The following METTL25 variants were observed in gnomAD, a reference collection of about 807,000 sequenced individuals.
METTL25 encodes probable methyltransferase-like protein 25.
In METTL25, 64 loss-of-function variants were observed where a neutral mutation model predicts 71.6. The ratio of observed to expected loss-of-function variants is 0.89; its 90% CI spans 0.73 to 1.10. The LOEUF is 1.10. METTL25 is among the 50% of genes least tolerant of loss of function. The pLI is 0.00. For missense variants in METTL25, 807 were observed against 707.0 expected (o/e 1.14, Z -1.60); for synonymous variants, 287 against 250.3 (o/e 1.15, Z -1.38).
chr12:82,446,099 T>TA, intron 8 of METTL25, among the ~76,000 whole-genome samples: 1 of 152,224 alleles, frequency 6.6e-6, no homozygotes, highest in South Asian at 2.1e-4. Context: ...TATATAATGA[T>TA]AGGCAGGTAA....
chr12:82,421,581 T>C (rs10746250), intron 5 of METTL25, among the ~76,000 whole-genome samples: 140,494 of 152,104 alleles, frequency 0.92, 65,213 homozygotes, highest in East Asian at 1. Context: ...CAAAGCAGAA[T>C]TGAAGGAGAT....
chr12:82,441,786 CAAAAA>C (rs201386289), intron 8 of METTL25, among the ~76,000 whole-genome samples: 1 of 62,650 alleles, frequency 1.6e-5, no homozygotes, highest in Non-Finnish European at 3.3e-5. Context: ...CATACTATAG[CAAAAA>C]AAAAAAAAAA....
At chr12:82,435,589 G>C (rs1889858319) in intron 7 of METTL25, among the ~76,000 whole-genome samples, 1 of 151,232 alleles carries the variant, frequency 6.6e-6, no homozygotes, top group African/African-American at 2.4e-5. Context: ...CAAACTACTG[G>C]TTTGCATCAT....
At chr12:82,376,403 G>A (rs1305079660) in intron 1 of METTL25, among the ~76,000 whole-genome samples, 1 of 152,152 alleles carries the variant, frequency 6.6e-6, no homozygotes, top group African/African-American at 2.4e-5. Flanking sequence ...AAGTCAAGCT[G>A]TTCTTCATTT....
chr12:82,362,617 T>C (rs1396917869), intron 1 of METTL25, among the ~76,000 whole-genome samples: 5 of 152,196 alleles, frequency 3.3e-5, no homozygotes, highest in Non-Finnish European at 5.9e-5. Flanking sequence ...CTGTACTCAG[T>C]ATTTGGCTTT....
At chr12:82,376,484 C>T (rs1285422618) in intron 1 of METTL25, among the ~76,000 whole-genome samples, 1 of 152,168 alleles carries the variant, frequency 6.6e-6, no homozygotes, top group Non-Finnish European at 1.5e-5. Context: ...AAGTAATCTT[C>T]TATGACAATT....
intron 5 of METTL25, among the ~76,000 whole-genome samples, chr12:82,421,450 G>T (rs1888482451): frequency 6.6e-6 from 1 of 152,156 alleles, no homozygotes; most frequent in South Asian, 2.1e-4. Flanking sequence ...GAAACTTCAT[G>T]AGATCTAGAT....
intron 2 of METTL25, among the ~76,000 whole-genome samples, chr12:82,389,181 T>G (rs1455704251): frequency 6.6e-6 from 1 of 152,136 alleles, no homozygotes. Flanking sequence ...AGTACTGTAG[T>G]TCTGCAATGA....
chr12:82,386,990 A>T (rs1300914647), intron 2 of METTL25, 23 bp downstream of exon 2: 2 of 1,587,842 alleles, frequency 1.3e-6, no homozygotes, highest in East Asian at 4.5e-5. Flanking sequence ...ATGTGTGTGT[A>T]TGTGTGCTTT....
At chr12:82,420,924 C>T (rs756623265) in intron 5 of METTL25, among the ~76,000 whole-genome samples, 6 of 151,826 alleles carry the variant, frequency 4.0e-5, no homozygotes, top group African/African-American at 4.8e-5. Context: ...GGTACAATCT[C>T]GGCTCACTGC....
rs997061343 is a variant in METTL25 at position 82,429,274 on chromosome 12, C to T, written c.1280-1619C>T. Among the ~76,000 whole-genome samples the T allele has an allele frequency of 4.0e-5, 6 of 151,640 alleles. 1 individual carries two copies. Among genetic ancestry groups the T allele is most frequent in the South Asian group, 4.1e-4 (2 of 4,830 alleles). Reference sequence around the variant, plus strand: ...TCTCCATGAGATAATATTTTTAGCTCTCACATATGAGTGAGAATGTGCAAT... The same window carrying T: ...TCTCCATGAGATAATATTTTTAGCTTTCACATATGAGTGAGAATGTGCAAT... On this transcript the variant is annotated intron_variant, in intron 5 of 11. Coordinates refer to ENST00000248306, the MANE Select transcript of METTL25 (RefSeq NM_032230.3).
At position 82,398,894 on chromosome 12, in the gene METTL25, C is replaced by G. The variant is rs747120438; in HGVS notation, c.631C>G (p.His211Asp). 6.2e-7 allele frequency: 1 copy of G among 1,611,714 alleles called. No individual in the cohort carries two copies. Among genetic ancestry groups the G allele is most frequent in the African/African-American group, 1.3e-5 (1 of 74,728 alleles). ...AATTGATTCTTCAAATACCAATACT[C>G]ATGGAGCTGAGGAGAGAAACAGAAA... ...YGIDSSNTNT[H>D]GAEERNRKLK... Residue 211 changes from histidine (H) to aspartate (D), a missense_variant, in exon 4 of 12, where the codon CAT becomes GAT. His to Asp is a moderately conservative substitution (Grantham distance 81). Transcript: ENST00000248306.
chr12:82,476,262 A>C (rs1389409307), intron 9 of METTL25: 1 of 164,096 alleles, frequency 6.1e-6, no homozygotes, highest in South Asian at 1.8e-4. Context: ...TTGCCTTTGA[A>C]TTTTGCTCAA....
intron 9 of METTL25, among the ~76,000 whole-genome samples, chr12:82,466,321 C>T (rs1422529983): frequency 1.6e-5 from 2 of 127,904 alleles, no homozygotes; most frequent in African/African-American, 5.6e-5. Context: ...AATTTTTTAA[C>T]TTCATTCTTA....
At chr12:82,463,015 A>G (rs1303557897) in intron 9 of METTL25, among the ~76,000 whole-genome samples, 1 of 152,100 alleles carries the variant, frequency 6.6e-6, no homozygotes, top group Non-Finnish European at 1.5e-5. Flanking sequence ...ATGTATAGTG[A>G]TTAGACCAGG....
intron 5 of METTL25, among the ~76,000 whole-genome samples, chr12:82,404,344 T>C (rs1409750492): frequency 1.3e-5 from 2 of 151,962 alleles, no homozygotes; most frequent in Non-Finnish European, 1.5e-5. Flanking sequence ...GACCAAAAAT[T>C]AGGGTAAAAA....
intron 5 of METTL25, among the ~76,000 whole-genome samples, chr12:82,407,598 A>G (rs1887204328): frequency 6.6e-6 from 1 of 152,146 alleles, no homozygotes; most frequent in African/African-American, 2.4e-5. Context: ...CATACTTGAA[A>G]TGAATAGACG....
At chr12:82,438,527 TCAGAATTAC>T in intron 7 of METTL25, 182 bp from the exon 8 acceptor site, 1 of 320,526 alleles carries the variant, frequency 3.1e-6, no homozygotes, top group Non-Finnish European at 5.7e-6. Flanking sequence ...TTTTTTTTTT[TCAGAATTAC>T]TTTCACAATG....
At chr12:82,450,967 ACTAT>A (rs140754052) in intron 8 of METTL25, among the ~76,000 whole-genome samples, 3,416 of 152,204 alleles carry the variant, frequency 0.022, 67 homozygotes, top group Middle Eastern at 0.051. Flanking sequence ...ATCAGCTCTT[ACTAT>A]CTAATATATT....
Sources: gnomAD v4.1 joint callset for allele counts (sites outside exome capture counted in the v4.1 genomes callset) on GRCh38, gnomAD v4.1.1 for gene constraint, MANE v1.5 for transcripts, NCBI Gene and HGNC (gene_info 2026-07-23, HGNC 2026-07-21) for gene names.